Variants in SHPRH observed in about 807,000 individuals in gnomAD.
SHPRH encodes E3 ubiquitin-protein ligase SHPRH.
A neutral mutation model predicts 202.5 loss-of-function variants in SHPRH; 106 were observed. The ratio of observed to expected loss-of-function variants is 0.52; its 90% CI spans 0.45 to 0.62. The LOEUF (loss-of-function observed/expected upper bound fraction) is 0.62. Ranked by LOEUF, SHPRH falls within the 20% of genes least tolerant of loss-of-function variation. The pLI, the probability that SHPRH is intolerant of heterozygous loss-of-function variation, is 0.00. For synonymous variants in SHPRH, 729 were observed against 686.0 expected (o/e 1.06, Z -0.98); for missense variants, 1,710 against 2,020.0 (o/e 0.85, Z 2.94).
chr6:145,867,142 T>C (rs370507381), intron 2 of SHPRH, among the ~76,000 whole-genome samples: 2 of 152,256 alleles, frequency 1.3e-5, no homozygotes, highest in African/African-American at 4.8e-5. Context: ...TTTTAACTGT[T>C]TCAGTATTTT....
At chr6:145,946,997 T>C (rs998612698) in intron 6 of SHPRH, among the ~76,000 whole-genome samples, 7 of 152,062 alleles carry the variant, frequency 4.6e-5, no homozygotes, top group African/African-American at 9.7e-5. Context: ...CTAAAATTTA[T>C]ATTTTTAAAC....
chr6:145,952,440 T>C lies in SHPRH; in HGVS notation c.672A>G (p.Leu224=). The change falls in exon 3 of 30, where the codon CTA becomes CTG. Residue 224 remains leucine, a synonymous_variant. Transcript: ENST00000275233. ...IYLLEAGLAK[L]DFLSDANSRM... ...TTGAATTTGCATCACTCAAGAAGTCTAGTTTTGCTAGGCCAGCTTCCAAAA... is the reference window on the plus strand; with the variant it reads ...TTGAATTTGCATCACTCAAGAAGTCCAGTTTTGCTAGGCCAGCTTCCAAAA... The C allele has an allele frequency of 1.9e-6, 3 of 1,609,706 alleles. No homozygotes were observed. Among genetic ancestry groups the C allele is most frequent in the Middle Eastern group, 3.3e-4 (2 of 6,038 alleles).
intron 1 of SHPRH, among the ~76,000 whole-genome samples, chr6:145,956,896 C>A (rs1371609890): frequency 6.6e-6 from 1 of 152,002 alleles, no homozygotes; most frequent in African/African-American, 2.4e-5. Flanking sequence ...AACTGACAAC[C>A]TGATGTTAAA....
intron 1 of SHPRH, among the ~76,000 whole-genome samples, chr6:145,961,045 A>G (rs1789038840): frequency 6.6e-6 from 1 of 151,842 alleles, no homozygotes; most frequent in Non-Finnish European, 1.5e-5. Context: ...GGCACAGCTC[A>G]GGTGGTAATG....
chr6:145,947,480 T>C lies in SHPRH; in HGVS notation c.1212+13A>G, dbSNP rs777921589. 6.2e-7 allele frequency: 1 copy of C among 1,611,838 alleles called. No homozygotes were observed. The highest frequency in any genetic ancestry group is 1.1e-5 in the South Asian group (1 of 90,868). On this transcript the variant is annotated intron_variant, in intron 6 of 29. Transcript: ENST00000275233. ...TGTCCCCTGCTTTTGCAAGCCCTACTATACCCTCCTACCTCGGGAAGAGTG... is the reference window on the plus strand; with the variant it reads ...TGTCCCCTGCTTTTGCAAGCCCTACCATACCCTCCTACCTCGGGAAGAGTG...
chr6:145,957,571 A>G (rs1024771787), intron 1 of SHPRH, among the ~76,000 whole-genome samples: 2 of 152,186 alleles, frequency 1.3e-5, no homozygotes, highest in African/African-American at 2.4e-5. Flanking sequence ...AAGATGACCT[A>G]TAAGTGTAAA....
chr6:145,932,179 G>C (rs1346168920), intron 14 of SHPRH, among the ~76,000 whole-genome samples: 1 of 151,916 alleles, frequency 6.6e-6, no homozygotes, highest in Admixed American at 6.6e-5. Flanking sequence ...CTTCACTCTT[G>C]AATCTATGGA....
intron 11 of SHPRH, among the ~76,000 whole-genome samples, chr6:145,937,305 G>A (rs1386128978): frequency 2.0e-5 from 3 of 152,070 alleles, no homozygotes; most frequent in African/African-American, 7.2e-5. Context: ...AGTATTCACT[G>A]GGGAAACCAG....
chr6:145,912,402 A>G (rs1038211257), intron 24 of SHPRH, among the ~76,000 whole-genome samples: 5 of 152,164 alleles, frequency 3.3e-5, no homozygotes, highest in Admixed American at 1.3e-4. Flanking sequence ...GAACTAATGT[A>G]TATGAAAGAA....
In SHPRH at chr6:145,943,314, C is replaced by T. The variant is rs1268722591; in HGVS notation, c.2067G>A (p.Val689=). The change falls in exon 9 of 30, where the codon GTG becomes GTA. Residue 689 remains valine (V), a synonymous_variant. Coordinates refer to ENST00000275233, the MANE Select transcript of SHPRH (RefSeq NM_001042683.3). ...TCTTCAGATTTTTCTCATCATAATT[C>T]ACACACTTTGCATGTTGCCACAGGT... is the stretch of plus-strand genomic sequence containing the variant. ...KCHLWQHAKC[V]NYDEKNLKIK... is the part of the protein sequence containing the mutation. The T allele has an allele frequency of 5.0e-6, 8 of 1,613,650 alleles. No individual in the cohort carries two copies. Among genetic ancestry groups the T allele is most frequent in the Non-Finnish European group, 6.8e-6 (8 of 1,179,928 alleles).
rs374718438 is a variant in SHPRH, at chr6:145,913,542, T to C, written c.4262A>G (p.Asp1421Gly). 36 of 1,606,878 alleles carry C rather than the reference T, an allele frequency of 2.2e-5. No homozygotes were observed. Among genetic ancestry groups the C allele is most frequent in the Non-Finnish European group, 3.0e-5 (35 of 1,177,318 alleles). Residue 1421 changes from aspartate (D) to glycine (G), a missense_variant, in exon 24 of 30, where the codon GAT (aspartate) becomes GGT (glycine). Around this residue, in one of 8 missense-constraint regions of SHPRH, gnomAD observed 306 missense variants for 479.5 expected, o/e 0.64. Transcript: ENST00000275233. ...TGGATTAACACCTCCCGATGTTTTA[T>C]CTTGAGACTATCCAAAAAAGAATTA... ...LYLTNLEKSQ[D>G]KTSGGVNPEP...
chr6:145,869,361 T>A (rs775292866), intron 2 of SHPRH, among the ~76,000 whole-genome samples: 18 of 152,242 alleles, frequency 1.2e-4, no homozygotes, highest in Non-Finnish European at 2.2e-4. Flanking sequence ...GTATAGCTTA[T>A]CAATTCTGTT....
At position 145,943,498 on chromosome 6, in the gene SHPRH, T is replaced by A; in HGVS notation, c.1883A>T (p.Glu628Val). The change falls in exon 9 of 30, where the codon GAA becomes GTA. Residue 628 changes from glutamate (E) to valine (V), a missense_variant. Glu to Val is a moderately radical substitution (Grantham distance 121). Around this residue, in one of 8 missense-constraint regions of SHPRH, gnomAD observed 348 missense variants for 356.9 expected, o/e 0.97. Transcript: ENST00000275233. Reference protein sequence around the residue: ...TCISEFNQEHETEDCAESLNH... With the variant: ...TCISEFNQEHVTEDCAESLNH... ...TAGAGATTCAGCACAGTCCTCTGTT[T>A]CATGTTCTTGGTTGAATTCAGAGAT... 2 of 1,614,062 alleles carry A rather than the reference T, an allele frequency of 1.2e-6. No homozygotes were observed. The highest frequency in any genetic ancestry group is 2.7e-5 in the African/African-American group (2 of 75,048).
intron 2 of SHPRH, among the ~76,000 whole-genome samples, chr6:145,954,112 C>T (rs1019524047): frequency 1.3e-5 from 2 of 150,588 alleles, no homozygotes; most frequent in Non-Finnish European, 3.0e-5. Context: ...AAAGAATAAC[C>T]AGGAATTACC....
intron 25 of SHPRH, among the ~76,000 whole-genome samples, chr6:145,900,483 G>A (rs181998367): frequency 5.3e-5 from 8 of 152,192 alleles, no homozygotes; most frequent in Admixed American, 4.6e-4. Flanking sequence ...CAGAATGGCG[G>A]TTACCAGAGG....
At chr6:145,960,070 C>T (rs1156796820) in intron 1 of SHPRH, among the ~76,000 whole-genome samples, 1 of 152,204 alleles carries the variant, frequency 6.6e-6, no homozygotes, top group Non-Finnish European at 1.5e-5. Context: ...ATATAGCAAT[C>T]ATTTATTCTC....
At chr6:145,959,355 A>G (rs1788844302) in intron 1 of SHPRH, among the ~76,000 whole-genome samples, 1 of 152,148 alleles carries the variant, frequency 6.6e-6, no homozygotes, top group Non-Finnish European at 1.5e-5. Context: ...CTATATTTAA[A>G]TATGTTTAAA....
intron 29 of SHPRH, 21 bp from the exon 30 acceptor site, chr6:145,886,808 G>A (rs905543621): frequency 3.1e-6 from 5 of 1,608,390 alleles, no homozygotes; most frequent in Non-Finnish European, 4.2e-6. Flanking sequence ...TCCCAAATGA[G>A]CACAGTCAGA....
At chr6:145,933,385 T>C (rs1785682402) in intron 13 of SHPRH, among the ~76,000 whole-genome samples, 1 of 152,202 alleles carries the variant, frequency 6.6e-6, no homozygotes, top group Non-Finnish European at 1.5e-5. Context: ...GTTTTTCCCA[T>C]TTCAGTAAAG....
Sources: allele counts gnomAD v4.1 joint callset (sites outside exome capture counted in the v4.1 genomes callset), GRCh38; gene constraint gnomAD v4.1.1; regional missense constraint gnomAD v4.1.1; transcripts MANE v1.5; gene names NCBI Gene and HGNC (gene_info 2026-07-23, HGNC 2026-07-21).